The following IRF4 variants were observed in gnomAD, a reference collection of about 807,000 sequenced individuals.
The protein encoded by IRF4 is lymphocyte-specific interferon regulatory factor.
A neutral mutation model predicts 55.5 loss-of-function variants in IRF4; 13 were observed. That is an observed-to-expected ratio of 0.23 (90% CI 0.15 to 0.37). The LOEUF (loss-of-function observed/expected upper bound fraction) is 0.37. Among genes scored for constraint, IRF4 ranks in the 10% least tolerant of loss-of-function variants. IRF4 has a pLI of 1.00. For synonymous variants in IRF4, 249 were observed against 240.7 expected, an observed-to-expected ratio of 1.03 and a Z score of -0.32; for missense variants, 397 against 593.8, an observed-to-expected ratio of 0.67 and a Z score of 3.44.
At chr6:394,739 A>C in intron 2 of IRF4, 82 bp from the exon 3 acceptor site, 2 of 1,338,398 alleles carry the variant, frequency 1.5e-6, no homozygotes, top group South Asian at 2.7e-5. Context: ...TGGGCAGCAG[A>C]GCAGGACTCT....
intron 7 of IRF4, among the ~76,000 whole-genome samples, chr6:403,711 A>G (rs946344760): frequency 2.0e-5 from 3 of 152,210 alleles, no homozygotes; most frequent in Non-Finnish European, 4.4e-5. Flanking sequence ...TCTCACCTCA[A>G]AGTGTTCACT....
chr6:394,934 G>A lies in IRF4; in HGVS notation c.330G>A (p.Leu110=), dbSNP rs1175510630. The change falls in exon 3 of 9, where the codon CTG becomes CTA. Residue 110 remains leucine (L), a synonymous_variant. Coordinates refer to ENST00000380956, the MANE Select transcript of IRF4 (RefSeq NM_002460.4). ...ACAAGAGCAATGACTTTGAGGAACT[G>A]GTTGAGCGGAGCCAGCTGGACATCT... ...ALNKSNDFEE[L]VERSQLDISD... is the part of the protein sequence containing the mutation. 9 of 1,614,228 alleles carry A rather than the reference G, an allele frequency of 5.6e-6. No homozygotes were observed. Among genetic ancestry groups the A allele is most frequent in the Non-Finnish European group, 7.6e-6 (9 of 1,180,042 alleles).
chr6:392,498 TGTC>T (rs1433378265), intron 1 of IRF4, among the ~76,000 whole-genome samples: 1 of 152,198 alleles, frequency 6.6e-6, no homozygotes, highest in Admixed American at 6.5e-5. Flanking sequence ...CTGCGCCACT[TGTC>T]GTTTGCAGAG....
rs1046944210 is a variant in IRF4 at position 409,246 on chromosome 6, A to C, written c.*1648A>C. 3 of 194,536 alleles carry C rather than the reference A, an allele frequency of 1.5e-5. No individual in the cohort carries two copies. Among genetic ancestry groups the C allele is most frequent in the Non-Finnish European group, 3.2e-5 (3 of 93,286 alleles). The allele number at this position is 194,536 out of a possible 1,614,324, so 12.1% of individuals were successfully genotyped here. ...GAAACATTATTTTTTAATGTTTAAA[A>C]AGTTTCTAATATTAAAGTCAGAATA... On this transcript the variant is annotated 3_prime_UTR_variant, in exon 9 of 9. Transcript: ENST00000380956.
chr6:395,039 CAG>C (rs1761216727), intron 3 of IRF4, 32 bp downstream of exon 3: 1 of 1,506,322 alleles, frequency 6.6e-7, no homozygotes, highest in Non-Finnish European at 9.0e-7. Context: ...GGTCACCTAA[CAG>C]AGGCAGCCAG....
chr6:394,488 T>G (rs556006415), intron 2 of IRF4, among the ~76,000 whole-genome samples: 1 of 152,300 alleles, frequency 6.6e-6, no homozygotes, highest in South Asian at 2.1e-4. Context: ...GTATTTTGGG[T>G]TTAGCATGGT....
At chr6:406,906 G>T in intron 8 of IRF4, 1 of 1,075,810 alleles carries the variant, frequency 9.3e-7, no homozygotes, top group Non-Finnish European at 1.1e-6. Flanking sequence ...TTTGGTGAGT[G>T]TGATCCACGC....
Position 395,938 on chromosome 6 carries a change from A to G in IRF4, c.492+3A>G. 6.2e-7 allele frequency: 1 copy of G among 1,610,946 alleles called. No homozygotes were observed. Among genetic ancestry groups the G allele is most frequent in the Non-Finnish European group, 8.5e-7 (1 of 1,177,922 alleles). On this transcript the variant is annotated splice_donor_region_variant and intron_variant, in intron 4 of 8. Coordinates refer to ENST00000380956, the MANE Select transcript of IRF4 (RefSeq NM_002460.4). ...CTTACCCTTCGCTCCCAGCCCAGGT[A>G]TGGTGGAGGGCACTGGGCTCCCTGA...
At position 409,983 on chromosome 6, in the gene IRF4, A is replaced by G. The variant is rs1581234423; in HGVS notation, c.*2385A>G. On this transcript the variant is annotated 3_prime_UTR_variant, in exon 9 of 9. Coordinates refer to ENST00000380956, the MANE Select transcript of IRF4 (RefSeq NM_002460.4). ...TACCTCCTTTCCTATCTTTACATCTATGTGTATGTTGACTTTTTAAAATTC... is the reference window on the plus strand; with the variant it reads ...TACCTCCTTTCCTATCTTTACATCTGTGTGTATGTTGACTTTTTAAAATTC... The G allele has an allele frequency of 8.8e-6, 2 of 228,540 alleles. No homozygotes were observed. Among genetic ancestry groups the G allele is most frequent in the South Asian group, 1.8e-4 (1 of 5,492 alleles). 14.2% of individuals were successfully genotyped at this position (228,540 alleles called of 1,614,324 possible). A position where few individuals can be genotyped will look rare whatever the true frequency, so the allele number is the denominator to read the frequency against.
At position 407,922 on chromosome 6, in the gene IRF4, G is replaced by T; in HGVS notation, c.*324G>T. 1 of 325,160 alleles carries T rather than the reference G, an allele frequency of 3.1e-6. No individual in the cohort carries two copies. The highest frequency in any genetic ancestry group is 2.1e-5 in the African/African-American group (1 of 46,630). 20.1% of individuals were successfully genotyped at this position (325,160 alleles called of 1,614,324 possible). A position where few individuals can be genotyped will look rare whatever the true frequency, so the allele number is the denominator to read the frequency against. On this transcript the variant is annotated 3_prime_UTR_variant, in exon 9 of 9. Coordinates refer to ENST00000380956, the MANE Select transcript of IRF4 (RefSeq NM_002460.4). ...TTCAGTTCAGCGGTTGAGGAGAATT[G>T]CGGCGAGACAAGCATGGAAAATCAG...
intron 6 of IRF4, among the ~76,000 whole-genome samples, chr6:400,790 GTA>G (rs1491296095): frequency 6.0e-5 from 2 of 33,182 alleles, no homozygotes; most frequent in Non-Finnish European, 8.3e-5. Flanking sequence ...ATTTATATAT[GTA>G]CACACACACA....
At chr6:406,461 G>A (rs1205609332) in intron 8 of IRF4, among the ~76,000 whole-genome samples, 5 of 152,054 alleles carry the variant, frequency 3.3e-5, no homozygotes, top group Non-Finnish European at 5.9e-5. Context: ...GGAGTCACTT[G>A]AACCCAGGAG....
intron 7 of IRF4, among the ~76,000 whole-genome samples, chr6:404,053 A>G (rs1211044956): frequency 1.3e-5 from 2 of 152,082 alleles, no homozygotes; most frequent in Non-Finnish European, 2.9e-5. Flanking sequence ...ATATCTTCCT[A>G]TTCAGGTCTG....
At chr6:406,845 C>T in intron 8 of IRF4, 2 of 1,150,166 alleles carry the variant, frequency 1.7e-6, no homozygotes, top group Non-Finnish European at 1.1e-6. Context: ...ATTCAGCTTG[C>T]CTTAGATGCT....
chr6:403,277 T>G (rs1761456558), intron 7 of IRF4, among the ~76,000 whole-genome samples: 1 of 152,254 alleles, frequency 6.6e-6, no homozygotes, highest in African/African-American at 2.4e-5. Flanking sequence ...CCCCCTCCCC[T>G]GTCAGCATCT....
rs1761119556 is a variant in IRF4 at position 392,151 on chromosome 6, G to C, written c.-56+342G>C. ...GGGGCCGTCCAAGGCACCCACACAA[G>C]ACGGCACAACTGCCTGCGAGAAACA... is the stretch of plus-strand genomic sequence containing the variant. On this transcript the variant is annotated intron_variant, in intron 1 of 8. Coordinates refer to ENST00000380956, the MANE Select transcript of IRF4 (RefSeq NM_002460.4). 2.0e-5 allele frequency among the ~76,000 whole-genome samples: 3 copies of C among 152,250 alleles called. No homozygotes were observed. In the South Asian group the frequency reaches 6.2e-4, roughly 31 times the overall value.
intron 6 of IRF4, among the ~76,000 whole-genome samples, chr6:399,820 G>A (rs1214586902): frequency 6.6e-6 from 1 of 152,220 alleles, no homozygotes; most frequent in Non-Finnish European, 1.5e-5. Context: ...TTCTAGTTGT[G>A]AATGAGGCTT....
chr6:393,267 G>A lies in IRF4; in HGVS notation c.115G>A (p.Gly39Arg). Reference sequence around the variant, plus strand: ...CCAGATCGACAGCGGCAAGTACCCCGGGCTGGTGTGGGAGAACGAGGAGAA... The same window carrying A: ...CCAGATCGACAGCGGCAAGTACCCCAGGCTGGTGTGGGAGAACGAGGAGAA... ...IDQIDSGKYPGLVWENEEKSI... is the reference protein window; with the variant it reads ...IDQIDSGKYPRLVWENEEKSI... The change falls in exon 2 of 9, where the codon GGG becomes AGG. Residue 39 changes from glycine to arginine, a missense_variant. Around this residue, in one of 3 missense-constraint regions of IRF4, gnomAD observed 341 missense variants for 548.1 expected, o/e 0.62. Coordinates refer to ENST00000380956, the MANE Select transcript of IRF4 (RefSeq NM_002460.4). The surrounding 1 kb of genome is among the most constrained non-coding windows in gnomAD (Gnocchi z 5.4). 6.3e-7 allele frequency: 1 copy of A among 1,598,208 alleles called. No homozygotes were observed. The highest frequency in any genetic ancestry group is 1.1e-5 in the South Asian group (1 of 87,972).
chr6:395,775 C>T (rs904348917), intron 3 of IRF4, 72 bp from the exon 4 acceptor site: 32 of 1,110,506 alleles, frequency 2.9e-5, no homozygotes, highest in Non-Finnish European at 4.3e-5. Context: ...GGTATTTTTA[C>T]AAGATTTGAC....
Sources: gnomAD v4.1 joint callset for allele counts (sites outside exome capture counted in the v4.1 genomes callset) on GRCh38, gnomAD v4.1.1 for gene constraint, gnomAD v4.1.1 regional missense constraint, Gnocchi (gnomAD v3.1) non-coding constraint, MANE v1.5 for transcripts, NCBI Gene and HGNC (gene_info 2026-07-23, HGNC 2026-07-21) for gene names.